SLC9B1: variants seen among roughly 807,000 people sequenced by gnomAD.
SLC9B1 encodes sodium/hydrogen exchanger 9B1.
SLC9B1 carries 32 observed loss-of-function variants against 51.7 expected under a neutral mutation model. The ratio of observed to expected loss-of-function variants is 0.62; its 90% CI spans 0.47 to 0.83. The LOEUF (loss-of-function observed/expected upper bound fraction) is 0.83. Among genes scored for constraint, SLC9B1 ranks in the 40% least tolerant of loss-of-function variants. SLC9B1 has a pLI of 0.00. For synonymous variants in SLC9B1, 145 were observed against 212.7 expected (o/e 0.68, Z 2.77); for missense variants, 406 against 613.2 (o/e 0.66, Z 3.57).
At chr4:102,902,009 T>C (rs1371795829) in intron 11 of SLC9B1, among the ~76,000 whole-genome samples, 1 of 152,144 alleles carries the variant, frequency 6.6e-6, no homozygotes, top group Non-Finnish European at 1.5e-5. Context: ...GGTATTCAGA[T>C]AGTAGTAAGT....
downstream of SLC9B1, among the ~76,000 whole-genome samples, chr4:102,899,987 A>G (rs1734713660): frequency 6.6e-6 from 1 of 152,220 alleles, no homozygotes; most frequent in African/African-American, 2.4e-5. Context: ...TATATTCTGT[A>G]AAAGCCCTTA....
chr4:102,901,443 A>C, intron 11 of SLC9B1, 111 bp from the exon 12 acceptor site: 1 of 1,244,108 alleles, frequency 8.0e-7, no homozygotes, highest in Admixed American at 2.2e-5. Context: ...CTATTAGAAA[A>C]AAAAAGTACT....
chr4:102,996,684 T>C (rs1740239688), intron 1 of SLC9B1, among the ~76,000 whole-genome samples: 1 of 152,030 alleles, frequency 6.6e-6, no homozygotes, highest in South Asian at 2.1e-4. Context: ...GCAATGCCAC[T>C]TTTTTTTGTA....
rs1739506509 is a variant in SLC9B1 at position 102,984,326 on chromosome 4, G to C, written c.211+5474C>G. Among the ~76,000 whole-genome samples the C allele has an allele frequency of 1.3e-5, 2 of 152,054 alleles. 1 individual carries two copies. The highest frequency in any genetic ancestry group is 4.1e-4 in the South Asian group (2 of 4,828). On this transcript the variant is annotated intron_variant, in intron 3 of 11. Transcript: ENST00000296422. ...GAGACAGGGCTTCATCATGTTGCCA[G>C]GCTGGTCTCAAACTCCTGAGCTCAA...
At chr4:102,903,577 C>CT (rs1734886723) in intron 11 of SLC9B1, among the ~76,000 whole-genome samples, 1 of 152,216 alleles carries the variant, frequency 6.6e-6, no homozygotes, top group Non-Finnish European at 1.5e-5. Flanking sequence ...TATGAACCTG[C>CT]TTTTCTAACA....
At chr4:102,889,921 CTT>C (rs893721383) in intron 11 of SLC9B1, 1 of 152,078 alleles carries the variant, frequency 6.6e-6, no homozygotes, top group African/African-American at 2.4e-5. Flanking sequence ...AAAAAAGTAA[CTT>C]GGCTCTTGAA....
intron 3 of SLC9B1, among the ~76,000 whole-genome samples, chr4:102,984,015 AT>A (rs1473811483): frequency 6.6e-6 from 1 of 152,102 alleles, no homozygotes; most frequent in Non-Finnish European, 1.5e-5. Context: ...AAGAAATATT[AT>A]CAAATGCTAT....
intron 3 of SLC9B1, among the ~76,000 whole-genome samples, chr4:102,985,525 A>C (rs7687092): frequency 1.3e-5 from 2 of 151,202 alleles, no homozygotes; most frequent in Non-Finnish European, 2.9e-5. Context: ...ACTAATACAA[A>C]TCCATTTTCT....
At chr4:102,887,436 A>G in intron 11 of SLC9B1, 1 of 925,302 alleles carries the variant, frequency 1.1e-6, no homozygotes, top group Non-Finnish European at 1.7e-6. Flanking sequence ...TATAATAATA[A>G]TAACAATATT....
chr4:103,006,447 G>T (rs549996339), intron 1 of SLC9B1, among the ~76,000 whole-genome samples: 2 of 152,152 alleles, frequency 1.3e-5, no homozygotes, highest in South Asian at 4.1e-4. Context: ...GAACCAGGAA[G>T]AAATTAAAAT....
At chr4:102,946,836 A>G in intron 4 of SLC9B1, 47 bp from the exon 5 acceptor site, 3 of 1,504,462 alleles carry the variant, frequency 2.0e-6, no homozygotes, top group Non-Finnish European at 2.7e-6. Flanking sequence ...TTTTTCTGAG[A>G]AAGAAAACGG....
At chr4:102,972,789 A>G (rs1478849625) in intron 3 of SLC9B1, among the ~76,000 whole-genome samples, 1 of 152,226 alleles carries the variant, frequency 6.6e-6, no homozygotes, top group African/African-American at 2.4e-5. Flanking sequence ...TACCTCAAAA[A>G]AGCTGATAAA....
chr4:102,948,081 A>AAGC (rs1409587221), intron 4 of SLC9B1, among the ~76,000 whole-genome samples: 2 of 152,200 alleles, frequency 1.3e-5, no homozygotes, highest in East Asian at 3.8e-4. Flanking sequence ...CAAATATGGT[A>AAGC]GGCTGGCTGA....
At chr4:103,018,906 A>G (rs1442784349) in intron 1 of SLC9B1, among the ~76,000 whole-genome samples, 1 of 152,210 alleles carries the variant, frequency 6.6e-6, no homozygotes, top group African/African-American at 2.4e-5. Context: ...AGATGAGCAA[A>G]GGCATTAGAT....
intron 7 of SLC9B1, among the ~76,000 whole-genome samples, chr4:102,925,614 T>C (rs2110450330): frequency 6.6e-6 from 1 of 150,800 alleles, no homozygotes; most frequent in South Asian, 2.1e-4. Context: ...AAATTTTAGA[T>C]AGCCATCCAG....
chr4:102,980,038 A>T (rs1262217980), intron 3 of SLC9B1, among the ~76,000 whole-genome samples: 2 of 152,218 alleles, frequency 1.3e-5, no homozygotes, highest in African/African-American at 4.8e-5. Flanking sequence ...AATCAAAACC[A>T]CAATGATTTA....
chr4:102,942,760 T>C (rs1214363965), intron 6 of SLC9B1, among the ~76,000 whole-genome samples: 2 of 152,152 alleles, frequency 1.3e-5, no homozygotes, highest in African/African-American at 4.8e-5. Context: ...TCTAGACATT[T>C]GCTTAGGCAA....
chr4:102,914,969 A>G (rs1735509996), intron 7 of SLC9B1, among the ~76,000 whole-genome samples: 1 of 152,198 alleles, frequency 6.6e-6, no homozygotes, highest in Non-Finnish European at 1.5e-5. Context: ...AAAGACAAAG[A>G]GAGAATTTTG....
At chr4:102,885,821 C>G (rs1320027920) in intron 11 of SLC9B1, among the ~76,000 whole-genome samples, 2 of 152,282 alleles carry the variant, frequency 1.3e-5, no homozygotes, top group Non-Finnish European at 2.9e-5. Flanking sequence ...CTCTAATCTT[C>G]AGGGTTTGTT....
Sources: allele counts gnomAD v4.1 joint callset (sites outside exome capture counted in the v4.1 genomes callset), GRCh38; gene constraint gnomAD v4.1.1; transcripts MANE v1.5; gene names NCBI Gene and HGNC (gene_info 2026-07-23, HGNC 2026-07-21).